MCF2: variants seen among roughly 807,000 people sequenced by gnomAD.
The protein encoded by MCF2 is proto-oncogene DBL.
In MCF2, 44 loss-of-function variants were observed where a neutral mutation model predicts 82.5. The ratio of observed to expected loss-of-function variants is 0.53; its 90% CI spans 0.42 to 0.69. The LOEUF (loss-of-function observed/expected upper bound fraction) is 0.69, where lower values mean the gene tolerates loss of function less well. MCF2 is among the 30% of genes least tolerant of loss of function. MCF2 has a pLI of 0.00. For missense variants in MCF2, 623 were observed against 663.1 expected, an observed-to-expected ratio of 0.94 and a Z score of 0.66; for synonymous variants, 217 against 224.9, an observed-to-expected ratio of 0.96 and a Z score of 0.32.
intron 12 of MCF2, chrX:139,607,135 T>C (rs1931089202): frequency 9.0e-6 from 1 of 110,648 alleles, no homozygotes; most frequent in Non-Finnish European, 1.9e-5. Context: ...GAATAGATCT[T>C]AACTGTTCTC....
intron 1 of MCF2, among the ~76,000 whole-genome samples, chrX:139,665,887 A>AGG (rs1934495722): frequency 3.9e-5 from 3 of 76,658 alleles, no homozygotes; most frequent in African/African-American, 1.9e-4. Context: ...GGTACATGGT[A>AGG]GGTGTGTGTG....
intron 1 of MCF2, among the ~76,000 whole-genome samples, chrX:139,701,341 T>C (rs1935493452): frequency 8.9e-6 from 1 of 112,201 alleles, no homozygotes; most frequent in Non-Finnish European, 1.9e-5. Flanking sequence ...CTATAATTAA[T>C]CAATCAAACA....
At chrX:139,613,445 G>C (rs1931650915) in intron 10 of MCF2, among the ~76,000 whole-genome samples, 182 bp from the exon 14 acceptor site, 1 of 112,079 alleles carries the variant, frequency 8.9e-6, no homozygotes, top group Non-Finnish European at 1.9e-5. Context: ...TGAGATTTTA[G>C]AGGACAATTA....
rs766032824 is a variant in MCF2 at position 139,632,444 on chromosome X, G to A, written c.62C>T (p.Pro21Leu). The A allele has an allele frequency of 6.7e-6, 8 of 1,201,966 alleles. No homozygotes were observed. In the South Asian group the frequency reaches 1.3e-4, roughly 19 times the overall value. ...AACCAAAACCAAGTGCAAGTTCCCAGGGAAGGAAGCCTGTAGAAAGAAAGA... is the reference window on the plus strand; with the variant it reads ...AACCAAAACCAAGTGCAAGTTCCCAAGGAAGGAAGCCTGTAGAAAGAAAGA... The change falls in exon 2 of 25, where the codon CCT (proline) becomes CTT (leucine). Residue 21 changes from proline (P) to leucine (L), a missense_variant. Physicochemically the swap from Pro to Leu is moderately conservative, Grantham distance 98. Coordinates refer to ENST00000370576, the Ensembl canonical transcript of MCF2.
chrX:139,632,471 C>G lies in MCF2; in HGVS notation c.52-17G>C. On this transcript the variant is annotated splice_polypyrimidine_tract_variant and intron_variant, in intron 1 of 24. Transcript: ENST00000370576. ...GAAGGAAGCCTGTAGAAAGAAAGAA[C>G]AAAAGAAATTGGAAAAAAAATTGTC... 1 of 1,183,101 alleles carries G rather than the reference C, an allele frequency of 8.5e-7. No individual in the cohort carries two copies. Among genetic ancestry groups the G allele is most frequent in the South Asian group, 1.9e-5 (1 of 51,342 alleles).
Position 139,605,763 on chromosome X carries a change from G to C in MCF2, c.1507C>G (p.Leu503Val), listed in dbSNP as rs142164930. ...ACATAAACTCTCTCAGTCTGTATCA[G>C]TTCATTTAGTACGTGGCTAAAATGA... Residue 503 changes from leucine (L) to valine (V), a missense_variant, in exon 13 of 25, where the codon CTG (leucine) becomes GTG (valine). Coordinates refer to ENST00000370576, the Ensembl canonical transcript of MCF2. The C allele has an allele frequency of 1.5e-5, 18 of 1,189,093 alleles. No homozygotes were observed. The African/African-American group carries it at 2.8e-4, about 19-fold the overall frequency.
At chrX:139,673,074 T>G (rs1481288654) in intron 1 of MCF2, among the ~76,000 whole-genome samples, 1 of 112,151 alleles carries the variant, frequency 8.9e-6, no homozygotes, top group African/African-American at 3.2e-5. Context: ...ATTTATCCAT[T>G]TCTTCTAGAT....
intron 16 of MCF2, among the ~76,000 whole-genome samples, chrX:139,600,361 T>C (rs757533910): frequency 9.0e-6 from 1 of 111,433 alleles, no homozygotes; most frequent in South Asian, 3.8e-4. Flanking sequence ...GCAATAAGGC[T>C]CTCAGATAAC....
intron 1 of MCF2, among the ~76,000 whole-genome samples, chrX:139,694,125 A>G (rs1935333193): frequency 1.8e-5 from 2 of 112,078 alleles, no homozygotes; most frequent in South Asian, 7.3e-4. Flanking sequence ...AACTTTTTAC[A>G]GTGAGCAACT....
At position 139,613,219 on chromosome X, in the gene MCF2, T is replaced by C. The variant is rs1052424175; in HGVS notation, c.1363+1662A>G. 8 of 1,143,025 alleles carry C rather than the reference T, an allele frequency of 7.0e-6. No homozygotes were observed. The highest frequency in any genetic ancestry group is 4.8e-4 in the Middle Eastern group (2 of 4,196). 94.2% of individuals were successfully genotyped at this position (1,143,025 alleles called of 1,213,427 possible). ...GTAATATAATAAAGATGGGTACCTT[T>C]TGAAAAAAGTTTACATGCTTGAAAG... is the stretch of plus-strand genomic sequence containing the variant. On this transcript the variant is annotated intron_variant, in intron 10 of 24. Transcript: ENST00000370576.
At chrX:139,703,047 G>T (rs1039727708) in intron 1 of MCF2, among the ~76,000 whole-genome samples, 1 of 112,135 alleles carries the variant, frequency 8.9e-6, no homozygotes, top group African/African-American at 3.2e-5. Flanking sequence ...CCCAAATGGG[G>T]ACCACTGCGG....
chrX:139,647,867 G>A (rs1933855759), upstream of MCF2, among the ~76,000 whole-genome samples: 1 of 111,885 alleles, frequency 8.9e-6, no homozygotes, highest in African/African-American at 3.2e-5. Flanking sequence ...AGCCAGCCTA[G>A]CACCTACACA....
In MCF2 at chrX:139,621,404, A is replaced by G. The variant is rs771223241; in HGVS notation, c.688-1698T>C. ...AACCAAAGAAGCTATCAACAGAGTA[A>G]ACAGACAACCTACAGAATGGGAGAA... On this transcript the variant is annotated intron_variant, in intron 6 of 24. Coordinates refer to ENST00000370576, the Ensembl canonical transcript of MCF2. Among the ~76,000 whole-genome samples the G allele has an allele frequency of 1.2e-4, 13 of 112,214 alleles. No homozygotes were observed. In the South Asian group the frequency reaches 1.5e-3, roughly 13 times the overall value.
intron 1 of MCF2, among the ~76,000 whole-genome samples, chrX:139,666,090 C>T (rs1425317617): frequency 9.3e-6 from 1 of 107,515 alleles, no homozygotes; most frequent in Non-Finnish European, 1.9e-5. Flanking sequence ...AAGCATTTAT[C>T]CTTATTATTA....
At chrX:139,635,843 A>G (rs1345575737) in intron 1 of MCF2, among the ~76,000 whole-genome samples, 3 of 110,040 alleles carry the variant, frequency 2.7e-5, no homozygotes, top group Non-Finnish European at 5.7e-5. Context: ...TCAGTACCCA[A>G]TAGTGATCTT....
intron 1 of MCF2, among the ~76,000 whole-genome samples, chrX:139,695,118 C>T (rs1277531955): frequency 9.2e-6 from 1 of 108,436 alleles, no homozygotes; most frequent in African/African-American, 3.4e-5. Context: ...GCAACCTCTG[C>T]CTCCTGGGTT....
chrX:139,666,494 C>T (rs559467313), intron 1 of MCF2, among the ~76,000 whole-genome samples: 4 of 111,355 alleles, frequency 3.6e-5, no homozygotes, highest in African/African-American at 1.3e-4. Context: ...GTATTCTTGG[C>T]TGGTATTTTT....
rs192836787 is a variant in MCF2, at chrX:139,617,107, C to T, written c.999+406G>A. 6.3e-5 allele frequency among the ~76,000 whole-genome samples: 7 copies of T among 111,239 alleles called. No individual in the cohort carries two copies. The East Asian group carries it at 2.0e-3, about 32-fold the overall frequency. ...CACTGTTTAATATTTTATTTCTGTACTATGAAATGTGAAAGGAGTTTCAGG... is the reference window on the plus strand; with the variant it reads ...CACTGTTTAATATTTTATTTCTGTATTATGAAATGTGAAAGGAGTTTCAGG... On this transcript the variant is annotated intron_variant, in intron 8 of 24. Coordinates refer to ENST00000370576, the Ensembl canonical transcript of MCF2.
At chrX:139,657,164 A>G (rs1934223472) in intron 1 of MCF2, among the ~76,000 whole-genome samples, 1 of 112,381 alleles carries the variant, frequency 8.9e-6, no homozygotes, top group African/African-American at 3.2e-5. Context: ...ATCAAACACA[A>G]TCAGATACAA....
Sources: allele counts gnomAD v4.1 joint callset (sites outside exome capture counted in the v4.1 genomes callset), GRCh38; gene constraint gnomAD v4.1.1; transcripts MANE v1.5; gene names NCBI Gene and HGNC (gene_info 2026-07-23, HGNC 2026-07-21).